Variants in SCML4 observed in about 807,000 individuals in gnomAD.
SCML4 encodes Scm polycomb group protein like 4.
In SCML4, 34 loss-of-function variants were observed where a neutral mutation model predicts 41.1. The ratio of observed to expected loss-of-function variants is 0.83; its 90% CI spans 0.63 to 1.10. SCML4 has a LOEUF of 1.10. Among genes scored for constraint, SCML4 ranks in the 50% least tolerant of loss-of-function variants. The pLI, the probability that SCML4 is intolerant of heterozygous loss-of-function variation, is 0.00. For missense variants in SCML4, 522 were observed against 534.1 expected (o/e 0.98, Z 0.22); for synonymous variants, 214 against 220.9 (o/e 0.97, Z 0.28).
At chr6:107,845,642 C>T in the SCML4 span, among the ~76,000 whole-genome samples, 3 of 152,176 alleles carry the variant, frequency 2.0e-5, no homozygotes, top group African/African-American at 7.2e-5. Context: ...TCAGGGACAA[C>T]GCTCCTTCAG....
chr6:107,705,256 C>T lies in SCML4; in HGVS notation c.1189G>A (p.Gly397Arg). The change falls in exon 8 of 8, where the codon GGA becomes AGA. Residue 397 changes from glycine to arginine, a missense_variant. Physicochemically the swap from Gly to Arg is moderately radical, Grantham distance 125. Coordinates refer to ENST00000369020, the MANE Select transcript of SCML4 (RefSeq NM_198081.5). ...TGGTAGCAGAGTTTCAGTGCAGGTCCCAGCTTCAGGCCCAGGTACTTCATG... is the reference window on the plus strand; with the variant it reads ...TGGTAGCAGAGTTTCAGTGCAGGTCTCAGCTTCAGGCCCAGGTACTTCATG... ...MVMKYLGLKL[G>R]PALKLCYHID... The T allele has an allele frequency of 6.4e-7, 1 of 1,551,426 alleles. No homozygotes were observed. Among genetic ancestry groups the T allele is most frequent in the Non-Finnish European group, 8.7e-7 (1 of 1,146,648 alleles).
chr6:107,713,648 A>T (rs1199283456), intron 6 of SCML4, among the ~76,000 whole-genome samples: 3 of 152,238 alleles, frequency 2.0e-5, no homozygotes, highest in Non-Finnish European at 4.4e-5. Flanking sequence ...GAGCCTGACC[A>T]TAAGAATCTT....
At chr6:107,759,767 G>A (rs1304866451) in intron 2 of SCML4, among the ~76,000 whole-genome samples, 1 of 152,174 alleles carries the variant, frequency 6.6e-6, no homozygotes, top group East Asian at 1.9e-4. Flanking sequence ...CCTTCAGAAT[G>A]AGACAGCAAA....
At chr6:107,782,805 G>A (rs4993216) in intron 1 of SCML4, among the ~76,000 whole-genome samples, 1 of 65,374 alleles carries the variant, frequency 1.5e-5, no homozygotes, top group East Asian at 2.9e-4. Flanking sequence ...TGCCTGATGG[G>A]AGGTGCTGGT....
intron 4 of SCML4, 168 bp from the exon 5 acceptor site, chr6:107,745,311 A>C: frequency 1.7e-6 from 1 of 576,478 alleles, no homozygotes; most frequent in Non-Finnish European, 3.1e-6. Context: ...TGGGGATCCC[A>C]CCCAGGACAC....
intron 1 of SCML4, among the ~76,000 whole-genome samples, chr6:107,810,004 C>G (rs1231935087): frequency 6.6e-6 from 1 of 152,166 alleles, no homozygotes; most frequent in Non-Finnish European, 1.5e-5. Context: ...CTGTGCCAGG[C>G]ACTGTGCTCA....
intron 2 of SCML4, among the ~76,000 whole-genome samples, chr6:107,767,138 A>G (rs1780122186): frequency 1.3e-5 from 2 of 152,004 alleles, no homozygotes; most frequent in South Asian, 2.1e-4. Context: ...TTGTATTTTT[A>G]GTACAGACGG....
intron 5 of SCML4, among the ~76,000 whole-genome samples, chr6:107,724,174 G>T (rs1200303450): frequency 6.6e-6 from 1 of 152,124 alleles, no homozygotes; most frequent in Non-Finnish European, 1.5e-5. Context: ...CTGACAAAGG[G>T]TATCTGCAAA....
intron 1 of SCML4, among the ~76,000 whole-genome samples, chr6:107,807,837 A>G (rs1010199632): frequency 2.0e-5 from 3 of 152,134 alleles, no homozygotes; most frequent in Non-Finnish European, 4.4e-5. Flanking sequence ...GTTCTCTCAA[A>G]CTGTAATTAT....
chr6:107,796,091 T>A (rs1405832135), intron 1 of SCML4, among the ~76,000 whole-genome samples: 1 of 152,098 alleles, frequency 6.6e-6, no homozygotes, highest in Non-Finnish European at 1.5e-5. Context: ...ATGGACTTCC[T>A]ATTGTTTCCA....
intron 1 of SCML4, among the ~76,000 whole-genome samples, chr6:107,809,126 C>T (rs1783965333): frequency 6.6e-6 from 1 of 151,992 alleles, no homozygotes; most frequent in African/African-American, 2.4e-5. Flanking sequence ...CTCTCTTGCC[C>T]TTCCATCCCT....
chr6:107,751,394 G>T (rs1005122983), intron 2 of SCML4, among the ~76,000 whole-genome samples: 1 of 152,022 alleles, frequency 6.6e-6, no homozygotes, highest in Non-Finnish European at 1.5e-5. Context: ...AAGCCCCAAG[G>T]TTCTGAGGCA....
chr6:107,842,563 A>G, the SCML4 span, among the ~76,000 whole-genome samples: 3 of 152,146 alleles, frequency 2.0e-5, no homozygotes, highest in Non-Finnish European at 2.9e-5. Context: ...ACGCCCAGCT[A>G]ATTTTTCTAT....
At chr6:107,821,924 A>G (rs1784971293) in intron 1 of SCML4, among the ~76,000 whole-genome samples, 1 of 152,208 alleles carries the variant, frequency 6.6e-6, no homozygotes, top group Non-Finnish European at 1.5e-5. Context: ...CAGGCCACAC[A>G]AAATTGTAAA....
At chr6:107,769,359 T>G (rs2114563953) in intron 2 of SCML4, among the ~76,000 whole-genome samples, 1 of 152,342 alleles carries the variant, frequency 6.6e-6, no homozygotes, top group Admixed American at 6.5e-5. Context: ...CTTATCTGCC[T>G]GCAATTCACT....
chr6:107,709,350 C>T (rs1465249946), intron 6 of SCML4, among the ~76,000 whole-genome samples: 2 of 152,186 alleles, frequency 1.3e-5, no homozygotes, highest in Non-Finnish European at 2.9e-5. Context: ...TGTAGCTCAT[C>T]ATGTGTGAAA....
chr6:107,713,072 C>T (rs1341562926), intron 6 of SCML4, among the ~76,000 whole-genome samples: 3 of 152,234 alleles, frequency 2.0e-5, no homozygotes, highest in Non-Finnish European at 4.4e-5. Context: ...GCTGAACTCA[C>T]ATTTACCAGA....
chr6:107,793,040 G>A (rs1331041107), intron 1 of SCML4, among the ~76,000 whole-genome samples: 2 of 152,126 alleles, frequency 1.3e-5, no homozygotes, highest in Admixed American at 6.5e-5. Flanking sequence ...TTCATCTGGG[G>A]AACAGTCTAA....
chr6:107,760,818 C>T (rs1337184128), intron 2 of SCML4, among the ~76,000 whole-genome samples: 1 of 151,942 alleles, frequency 6.6e-6, no homozygotes, highest in African/African-American at 2.4e-5. Context: ...ATTATAAAAA[C>T]AACTATGATA....
Sources: gnomAD v4.1 joint callset for allele counts (sites outside exome capture counted in the v4.1 genomes callset) on GRCh38, gnomAD v4.1.1 for gene constraint, MANE v1.5 for transcripts, NCBI Gene and HGNC (gene_info 2026-07-23, HGNC 2026-07-21) for gene names.